SMAD4: variants seen among roughly 807,000 people sequenced by gnomAD.
SMAD4 encodes the protein SMAD family member 4, also known as MAD homolog 4.
In SMAD4, 7 loss-of-function variants were observed where a neutral mutation model predicts 63.2. That is an observed-to-expected ratio of 0.11 (90% confidence interval 0.06 to 0.21). The LOEUF (loss-of-function observed/expected upper bound fraction) is 0.21, where lower values mean the gene tolerates loss of function less well. SMAD4 is among the 10% of genes least tolerant of loss of function. The pLI, the probability that SMAD4 is intolerant of heterozygous loss-of-function variation, is 1.00. For synonymous variants in SMAD4, 215 were observed against 235.4 expected, an observed-to-expected ratio of 0.91 and a Z score of 0.79; for missense variants, 312 against 693.8, an observed-to-expected ratio of 0.45 and a Z score of 6.18.
rs201683280 is a variant in SMAD4 at position 51,067,219 on chromosome 18, CTT to C, written c.1308+33_1308+34del. ...TACAATTTTATTTGAATATTTTAGA[CTT>C]AAAGCTCTATTTGTTGTCAAAAGAA... On this transcript the variant is annotated intron_variant, in intron 10 of 11. Transcript: ENST00000342988. 1.7e-3 allele frequency: 2,117 copies of C among 1,224,814 alleles called. 20 individuals are homozygous for C. The African/African-American group carries it at 0.02, about 12-fold the overall frequency. 75.9% of individuals were successfully genotyped at this position (1,224,814 alleles called of 1,614,324 possible). A position where few individuals can be genotyped will look rare whatever the true frequency, so the allele number is the denominator to read the frequency against.
At chr18:51,071,034 C>CA (rs1423348342) in intron 10 of SMAD4, among the ~76,000 whole-genome samples, 53 of 152,084 alleles carry the variant, frequency 3.5e-4, no homozygotes, top group Non-Finnish European at 2.4e-4. Context: ...TTCATGCATC[C>CA]ACTGGAAGTC....
In SMAD4 at chr18:51,062,851, G is replaced by GTTTTTTTTTTTTTTTTTTTTTTT. The variant is rs71171374; in HGVS notation, c.956-2570_956-2548dup. On this transcript the variant is annotated intron_variant, in intron 8 of 11. Coordinates refer to ENST00000342988, the MANE Select transcript of SMAD4 (RefSeq NM_005359.6). ...ACAGTCTAGTAATCTGGCTTTACTT[G>GTTTTTTTTTTTTTTTTTTTTTTT]TTTTTTTTTTTTTTTTTTTTTTTTG... is the stretch of plus-strand genomic sequence containing the variant. Among the ~76,000 whole-genome samples the GTTTTTTTTTTTTTTTTTTTTTTT allele has an allele frequency of 1.1e-4, 7 of 65,394 alleles. 1 individual carries two copies. Among genetic ancestry groups the GTTTTTTTTTTTTTTTTTTTTTTT allele is most frequent in the African/African-American group, 3.8e-4 (6 of 15,672 alleles). The allele number at this position is 65,394 out of a possible 152,430, so 42.9% of individuals were successfully genotyped here.
intron 11 of SMAD4, 34 bp from the exon 12 acceptor site, chr18:51,078,222 G>C (rs1910516909): frequency 6.5e-7 from 1 of 1,538,030 alleles, no homozygotes; most frequent in South Asian, 1.1e-5. Flanking sequence ...AGATCACCCT[G>C]TCCCTCTGAT....
At chr18:51,073,509 T>A (rs974512637) in intron 10 of SMAD4, among the ~76,000 whole-genome samples, 33 of 150,630 alleles carry the variant, frequency 2.2e-4, no homozygotes, top group Non-Finnish European at 8.9e-5. Context: ...ATAAAACTTC[T>A]AGAAGATAAT....
chr18:51,040,052 A>T (rs1346213918), intron 1 of SMAD4, among the ~76,000 whole-genome samples: 1 of 152,122 alleles, frequency 6.6e-6, no homozygotes, highest in African/African-American at 2.4e-5. Context: ...TCCTGTTGGT[A>T]AACCTAAGTT....
chr18:51,073,818 A>G (rs1910400545), intron 10 of SMAD4, among the ~76,000 whole-genome samples: 1 of 152,104 alleles, frequency 6.6e-6, no homozygotes. Flanking sequence ...GGAGAGAGCC[A>G]CTGTGCCTGG....
At chr18:51,066,154 C>A (rs1910144094) in intron 9 of SMAD4, among the ~76,000 whole-genome samples, 1 of 151,986 alleles carries the variant, frequency 6.6e-6, no homozygotes. Context: ...GAGTTCGAGA[C>A]CAGCCTGGCC....
intron 1 of SMAD4, among the ~76,000 whole-genome samples, chr18:51,034,072 T>C (rs1909129310): frequency 6.6e-6 from 1 of 152,194 alleles, no homozygotes; most frequent in Non-Finnish European, 1.5e-5. Flanking sequence ...GCCCAAAGAC[T>C]GTATTTCATT....
In SMAD4 at chr18:51,054,914, C is replaced by T. The variant is rs2144419060; in HGVS notation, c.588C>T (p.Ser196=). Residue 196 remains serine (S), a synonymous_variant, in exon 5 of 12, where the codon AGC becomes AGT. Coordinates refer to ENST00000342988, the MANE Select transcript of SMAD4 (RefSeq NM_005359.6). The part of the protein sequence containing the change: ...PSNRASTETY[S]TPALLAPSES... Reference sequence around the variant, plus strand: ...ATCGTGCATCGACAGAGACATACAGCACCCCAGCTCTGTTAGCCCCATCTG... The same window carrying T: ...ATCGTGCATCGACAGAGACATACAGTACCCCAGCTCTGTTAGCCCCATCTG... 1 of 1,614,122 alleles carries T rather than the reference C, an allele frequency of 6.2e-7. No individual in the cohort carries two copies. Among genetic ancestry groups the T allele is most frequent in the South Asian group, 1.1e-5 (1 of 91,084 alleles).
At chr18:51,073,388 TACACACACACAC>T (rs201632233) in intron 10 of SMAD4, among the ~76,000 whole-genome samples, 6,419 of 63,496 alleles carry the variant, frequency 0.1, 509 homozygotes, top group East Asian at 0.18. Context: ...TATATATATA[TACACACACACAC>T]ACACACACAC....
chr18:51,033,853 A>G (rs1302043268), intron 1 of SMAD4, among the ~76,000 whole-genome samples: 3 of 152,216 alleles, frequency 2.0e-5, no homozygotes, highest in Admixed American at 6.5e-5. Context: ...ATGAGAGTGA[A>G]TGAAAACTAG....
At chr18:51,073,388 T>TATATATATAACACACAC in intron 10 of SMAD4, among the ~76,000 whole-genome samples, 1 of 64,186 alleles carries the variant, frequency 1.6e-5, no homozygotes, top group Non-Finnish European at 2.7e-5. Flanking sequence ...TATATATATA[T>TATATATATAACACACAC]ACACACACAC....
chr18:51,043,807 A>G (rs1199480467), intron 1 of SMAD4, among the ~76,000 whole-genome samples: 3 of 152,234 alleles, frequency 2.0e-5, no homozygotes, highest in African/African-American at 7.2e-5. Flanking sequence ...ATTGCATTGT[A>G]GATTCATACA....
intron 1 of SMAD4, among the ~76,000 whole-genome samples, chr18:51,040,672 T>C (rs2144387906): frequency 6.6e-6 from 1 of 152,342 alleles, no homozygotes; most frequent in East Asian, 1.9e-4. Context: ...TTAATTAGTT[T>C]GGTTATTTGG....
At position 51,078,687 on chromosome 18, in the gene SMAD4, A is replaced by G. The variant is rs1256038454; in HGVS notation, c.*220A>G. 1.8e-6 allele frequency: 1 copy of G among 540,886 alleles called. No individual in the cohort carries two copies. Among genetic ancestry groups the G allele is most frequent in the Non-Finnish European group, 3.3e-6 (1 of 304,350 alleles). The allele number at this position is 540,886 out of a possible 1,614,324, so 33.5% of individuals were successfully genotyped here. ...GTCAGGCATGGCTCAGAGCTTGAAGATTAGGAGAAACACATTCTTATTAAT... is the reference window on the plus strand; with the variant it reads ...GTCAGGCATGGCTCAGAGCTTGAAGGTTAGGAGAAACACATTCTTATTAAT... On this transcript the variant is annotated 3_prime_UTR_variant, in exon 12 of 12. Transcript: ENST00000342988.
rs546705681 is a variant in SMAD4 at position 51,045,515 on chromosome 18, G to A, written c.-127-1405G>A. On this transcript the variant is annotated intron_variant, in intron 1 of 11. Transcript: ENST00000342988. Reference sequence around the variant, plus strand: ...TAAGTTAGTTTTCTACCTGTTGAATGGATTCTTTATTAATCTTCAGTTTTT... The same window carrying A: ...TAAGTTAGTTTTCTACCTGTTGAATAGATTCTTTATTAATCTTCAGTTTTT... Among the ~76,000 whole-genome samples the A allele has an allele frequency of 1.0e-3, 153 of 152,104 alleles. 1 individual carries two copies. Among genetic ancestry groups the A allele is most frequent in the Non-Finnish European group, 1.5e-3 (102 of 67,966 alleles).
intron 1 of SMAD4, among the ~76,000 whole-genome samples, chr18:51,032,292 A>G (rs544323597): frequency 1.3e-5 from 2 of 152,146 alleles, no homozygotes; most frequent in African/African-American, 2.4e-5. Flanking sequence ...TTATTTTTGA[A>G]GTGGGAGTGT....
chr18:51,060,936 G>A (rs1167034735), intron 8 of SMAD4, among the ~76,000 whole-genome samples: 6 of 151,580 alleles, frequency 4.0e-5, no homozygotes, highest in Non-Finnish European at 7.4e-5. Context: ...ATGGGATCTC[G>A]CTATGTTGTC....
chr18:51,040,195 G>A (rs1909332669), intron 1 of SMAD4, among the ~76,000 whole-genome samples: 1 of 152,140 alleles, frequency 6.6e-6, no homozygotes, highest in Non-Finnish European at 1.5e-5. Flanking sequence ...GGGAGGCCAA[G>A]GCGGGCAGAT....
Sources: gnomAD v4.1 joint callset for allele counts (sites outside exome capture counted in the v4.1 genomes callset) on GRCh38, gnomAD v4.1.1 for gene constraint, MANE v1.5 for transcripts, NCBI Gene and HGNC (gene_info 2026-07-23, HGNC 2026-07-21) for gene names.